Variants in NTN1 observed in about 807,000 individuals in gnomAD.
NTN1 encodes the protein netrin 1.
A neutral mutation model predicts 54.2 loss-of-function variants in NTN1; 11 were observed. The observed-to-expected ratio is 0.20, with a 90% CI of 0.13 to 0.34. NTN1 has a LOEUF of 0.34. Among genes scored for constraint, NTN1 ranks in the 10% least tolerant of loss-of-function variants. The probability of loss-of-function intolerance (pLI) is 1.00; values close to 1 mark genes in which losing one functional copy is unlikely to be tolerated. For missense variants in NTN1, 740 were observed against 893.1 expected, an observed-to-expected ratio of 0.83 and a Z score of 2.18; for synonymous variants, 371 against 382.0, an observed-to-expected ratio of 0.97 and a Z score of 0.33.
chr17:9,243,650 C>T lies in NTN1; in HGVS notation c.*3682C>T, dbSNP rs1027716318. On this transcript the variant is annotated 3_prime_UTR_variant, in exon 7 of 7. Coordinates refer to ENST00000173229, the MANE Select transcript of NTN1 (RefSeq NM_004822.3). Reference sequence around the variant, plus strand: ...GCCAAAAGCCAAACCAGTCCCACTCCTGTCATTGGACGTTTCTTCCCATTC... The same window carrying T: ...GCCAAAAGCCAAACCAGTCCCACTCTTGTCATTGGACGTTTCTTCCCATTC... The T allele has an allele frequency of 2.6e-5, 4 of 152,302 alleles. No homozygotes were observed. The highest frequency in any genetic ancestry group is 6.8e-3 in the Middle Eastern group (2 of 294). 9.4% of individuals were successfully genotyped at this position (152,302 alleles called of 1,614,324 possible).
chr17:9,124,046 TTGGCC>T (rs1159123003), intron 2 of NTN1, among the ~76,000 whole-genome samples: 1 of 152,182 alleles, frequency 6.6e-6, no homozygotes, highest in Non-Finnish European at 1.5e-5. Flanking sequence ...TTAGCAACCT[TTGGCC>T]TGTCCCCTGA....
chr17:9,196,650 C>T (rs1266748870), intron 5 of NTN1, among the ~76,000 whole-genome samples: 3 of 152,224 alleles, frequency 2.0e-5, no homozygotes, highest in Admixed American at 6.5e-5. Flanking sequence ...AGGAGGGAGG[C>T]GGCCAGTGGG....
chr17:9,023,629 T>A (rs2091860990), intron 2 of NTN1, among the ~76,000 whole-genome samples: 1 of 152,258 alleles, frequency 6.6e-6, no homozygotes, highest in South Asian at 2.1e-4. Context: ...AGGAGAAATG[T>A]TCCCGGGAGG....
At chr17:9,069,788 C>T (rs536054024) in intron 2 of NTN1, among the ~76,000 whole-genome samples, 68 of 152,236 alleles carry the variant, frequency 4.5e-4, no homozygotes, top group South Asian at 1.5e-3. Context: ...AGGTTGACCC[C>T]GCATTAACAA....
At chr17:9,100,550 C>G (rs2092147108) in intron 2 of NTN1, among the ~76,000 whole-genome samples, 5 of 152,124 alleles carry the variant, frequency 3.3e-5, no homozygotes, top group Admixed American at 3.3e-4. Context: ...ATGTGCCTGC[C>G]TTGGCCTCCC....
chr17:9,103,717 G>A (rs182853996), intron 2 of NTN1, among the ~76,000 whole-genome samples: 3 of 152,160 alleles, frequency 2.0e-5, no homozygotes, highest in Admixed American at 6.5e-5. Flanking sequence ...TAAAATGGTA[G>A]GAAATTCTCA....
chr17:9,194,821 C>T (rs187373396), intron 5 of NTN1, among the ~76,000 whole-genome samples: 79 of 152,310 alleles, frequency 5.2e-4, no homozygotes, highest in South Asian at 1.5e-3. Context: ...CTCATTGCCC[C>T]TCCGCCTTGA....
At position 9,221,215 on chromosome 17, in the gene NTN1, A is replaced by G; in HGVS notation, c.1459A>G (p.Met487Val). The change falls in exon 6 of 7, where the codon ATG (methionine) becomes GTG (valine). Residue 487 changes from methionine (M) to valine (V), a missense_variant. By Grantham distance (21) the Met-to-Val change is conservative (BLOSUM62 1). Coordinates refer to ENST00000173229, the MANE Select transcript of NTN1 (RefSeq NM_004822.3). The surrounding 1 kb of genome is among the most constrained non-coding windows in gnomAD (Gnocchi z 4.5). ...CTCCAAGGGGAAGCTGAAGATTAAC[A>G]TGAAAAAGTACTGCAAGAAGGACTA... ...KASKGKLKIN[M>V]KKYCKKDYAV... 6.2e-7 allele frequency: 1 copy of G among 1,612,772 alleles called. No homozygotes were observed. Among genetic ancestry groups the G allele is most frequent in the Non-Finnish European group, 8.5e-7 (1 of 1,179,642 alleles).
chr17:9,163,034 G>T (rs1397724164), intron 3 of NTN1, 33 bp downstream of exon 3: 1 of 1,553,800 alleles, frequency 6.4e-7, no homozygotes. Flanking sequence ...GGGGGCTGGG[G>T]AGACCCGGGG....
intron 2 of NTN1, among the ~76,000 whole-genome samples, chr17:9,148,997 TC>T (rs1270439387): frequency 2.0e-5 from 3 of 152,070 alleles, no homozygotes; most frequent in Non-Finnish European, 4.4e-5. Context: ...CTGCCTGGTG[TC>T]TGGAGAACAG....
At chr17:9,232,052 G>A (rs1905833557) in intron 6 of NTN1, among the ~76,000 whole-genome samples, 1 of 152,154 alleles carries the variant, frequency 6.6e-6, no homozygotes, top group Admixed American at 6.5e-5. Context: ...CTGAGCCAGA[G>A]GTGGGAGGGC....
intron 5 of NTN1, among the ~76,000 whole-genome samples, chr17:9,189,292 T>G (rs1904386497): frequency 6.6e-6 from 1 of 152,200 alleles, no homozygotes; most frequent in African/African-American, 2.4e-5. Flanking sequence ...CCGGCCGTGG[T>G]TGCCTGGGCG....
chr17:9,238,087 G>A (rs1486984135), intron 6 of NTN1, among the ~76,000 whole-genome samples: 4 of 152,202 alleles, frequency 2.6e-5, no homozygotes, highest in African/African-American at 7.2e-5. Context: ...CCTGGTCCAT[G>A]TGTGGGTGCA....
upstream of NTN1, among the ~76,000 whole-genome samples, chr17:9,016,839 G>A (rs761835560): frequency 6.6e-5 from 10 of 152,196 alleles, no homozygotes; most frequent in Admixed American, 1.3e-4. Context: ...GCTGCTGGGC[G>A]CTGCTGGGGA....
intron 2 of NTN1, among the ~76,000 whole-genome samples, chr17:9,109,202 T>C (rs2092180730): frequency 6.6e-6 from 1 of 152,226 alleles, no homozygotes; most frequent in South Asian, 2.1e-4. Context: ...TGACCTTTTT[T>C]TAAAATAATA....
chr17:9,029,544 C>T (rs1407119185), intron 2 of NTN1, among the ~76,000 whole-genome samples: 1 of 152,188 alleles, frequency 6.6e-6, no homozygotes, highest in Non-Finnish European at 1.5e-5. Context: ...TGGGCCAGTC[C>T]TGTAGATACA....
chr17:9,079,606 C>T (rs2092063454), intron 2 of NTN1, among the ~76,000 whole-genome samples: 1 of 152,062 alleles, frequency 6.6e-6, no homozygotes, highest in South Asian at 2.1e-4. Flanking sequence ...GGGTCTAGTT[C>T]CTGGCCTCCC....
At chr17:9,193,940 A>AAAAAAAG (rs1567734970) in intron 5 of NTN1, among the ~76,000 whole-genome samples, 1 of 141,852 alleles carries the variant, frequency 7.0e-6, no homozygotes, top group African/African-American at 2.7e-5. Flanking sequence ...AAAAAAAAAA[A>AAAAAAAG]AAAACATTAT....
At chr17:9,200,437 C>T (rs1316975293) in intron 5 of NTN1, among the ~76,000 whole-genome samples, 1 of 152,244 alleles carries the variant, frequency 6.6e-6, no homozygotes, top group Non-Finnish European at 1.5e-5. Context: ...GGGCACAGAG[C>T]TGTTACAGCG....
Sources: allele counts gnomAD v4.1 joint callset (sites outside exome capture counted in the v4.1 genomes callset), GRCh38; gene constraint gnomAD v4.1.1; non-coding constraint Gnocchi (gnomAD v3.1); transcripts MANE v1.5; gene names NCBI Gene and HGNC (gene_info 2026-07-23, HGNC 2026-07-21).